Variants in GCC2 observed in about 807,000 individuals in gnomAD.
GCC2 encodes GRIP and coiled-coil domain containing 2, also known as GRIP and coiled-coil domain-containing protein 2.
Under a neutral mutation model 210.6 loss-of-function variants are expected in GCC2, and 120 were observed. The observed-to-expected ratio is 0.57, with a 90% CI of 0.49 to 0.66. The LOEUF (loss-of-function observed/expected upper bound fraction) is 0.66. Ranked by LOEUF, GCC2 falls within the 30% of genes least tolerant of loss-of-function variation. GCC2 has a pLI of 0.00. For missense variants in GCC2, 1,868 were observed against 1,871.9 expected (o/e 1.00, Z 0.04); for synonymous variants, 703 against 652.7 (o/e 1.08, Z -1.17).
chr2:108,504,913 C>T (rs1238337524), intron 22 of GCC2, among the ~76,000 whole-genome samples: 1 of 152,096 alleles, frequency 6.6e-6, no homozygotes, highest in Non-Finnish European at 1.5e-5. Flanking sequence ...ATAGGCCAAG[C>T]CTGTTATAGG....
Position 108,470,509 on chromosome 2 carries a change from AAAG to A in GCC2, c.1186_1188del (p.Glu396del), listed in dbSNP as rs1558739486. On this transcript the variant is annotated inframe_deletion, in exon 6 of 23. Coordinates refer to ENST00000309863, the MANE Select transcript of GCC2 (RefSeq NM_181453.4). ...TAAAATTAATGAATTATTACTAGCT[AAAG>A]AAGAACAGGGCTGTGTAATTGAAAA... The A allele has an allele frequency of 1.2e-5, 20 of 1,609,866 alleles. No individual in the cohort carries two copies. The highest frequency in any genetic ancestry group is 1.6e-5 in the Non-Finnish European group (19 of 1,178,008).
chr2:108,471,758 A>G lies in GCC2; in HGVS notation c.2429A>G (p.Glu810Gly), dbSNP rs1263972654. The G allele has an allele frequency of 3.1e-6, 5 of 1,613,180 alleles. No homozygotes were observed. Among genetic ancestry groups the G allele is most frequent in the Non-Finnish European group, 4.2e-6 (5 of 1,179,634 alleles). ...LAFQRDEKVL[E>G]LEKEIKCLQE... ...TTTCAGCGTGATGAAAAAGTATTAG[A>G]GTTAGAAAAAGAGATTAAGTGCCTT... The change falls in exon 6 of 23, where the codon GAG (glutamate) becomes GGG (glycine). Residue 810 changes from glutamate to glycine, a missense_variant. Glu to Gly is a moderately conservative substitution (Grantham distance 98, BLOSUM62 -2). Coordinates refer to ENST00000309863, the MANE Select transcript of GCC2 (RefSeq NM_181453.4).
chr2:108,482,865 G>A (rs556797956), intron 11 of GCC2, among the ~76,000 whole-genome samples, 197 bp from the exon 12 acceptor site: 111 of 151,982 alleles, frequency 7.3e-4, no homozygotes, highest in Middle Eastern at 3.4e-3. Flanking sequence ...TATTTTTAGT[G>A]GAGACGGGGT....
intron 17 of GCC2, among the ~76,000 whole-genome samples, chr2:108,488,567 A>G (rs960867536): frequency 3.3e-5 from 5 of 152,240 alleles, no homozygotes; most frequent in African/African-American, 1.2e-4. Flanking sequence ...TATTTCAAAA[A>G]TTTTAAATTT....
intron 4 of GCC2, among the ~76,000 whole-genome samples, chr2:108,467,704 G>A (rs1393656394): frequency 6.6e-6 from 1 of 152,158 alleles, no homozygotes; most frequent in Non-Finnish European, 1.5e-5. Context: ...TTTGCATTTA[G>A]ATTTGTCATA....
chr2:108,488,752 A>C (rs1259883852), intron 17 of GCC2, among the ~76,000 whole-genome samples: 1 of 152,174 alleles, frequency 6.6e-6, no homozygotes, highest in East Asian at 1.9e-4. Flanking sequence ...CAGTATTCAA[A>C]GCAGTTTTAC....
Position 108,490,111 on chromosome 2 carries a change from A to T in GCC2, c.4229+97A>T, listed in dbSNP as rs566206536. The T allele has an allele frequency of 4.0e-5, 34 of 852,404 alleles. No homozygotes were observed. The South Asian group carries it at 1.0e-3, about 25-fold the overall frequency. The allele number at this position is 852,404 out of a possible 1,614,324, so 52.8% of individuals were successfully genotyped here. A position where few individuals can be genotyped will look rare whatever the true frequency, so the allele number is the denominator to read the frequency against. On this transcript the variant is annotated intron_variant, in intron 18 of 22. Coordinates refer to ENST00000309863, the MANE Select transcript of GCC2 (RefSeq NM_181453.4). ...GATCCTTGAGATAAATGCAGATTAG[A>T]AAATAAAAAATAGACATTTCTAAAG...
chr2:108,451,321 G>A (rs981937343), intron 3 of GCC2, among the ~76,000 whole-genome samples: 4 of 152,166 alleles, frequency 2.6e-5, no homozygotes, highest in Non-Finnish European at 5.9e-5. Context: ...AGTGACTTTT[G>A]AGTTGTTAAA....
intron 4 of GCC2, among the ~76,000 whole-genome samples, chr2:108,455,911 G>A (rs1227161431): frequency 6.6e-6 from 1 of 152,122 alleles, no homozygotes; most frequent in African/African-American, 2.4e-5. Flanking sequence ...ATATTGATTT[G>A]TTTTCAATGA....
intron 8 of GCC2, 41 bp downstream of exon 8, chr2:108,475,676 T>C: frequency 6.8e-7 from 1 of 1,460,800 alleles, no homozygotes; most frequent in Non-Finnish European, 9.4e-7. Context: ...GAATCTCACA[T>C]TTTTAAAAAT....
intron 4 of GCC2, among the ~76,000 whole-genome samples, chr2:108,465,433 C>T (rs1388156862): frequency 6.6e-6 from 1 of 152,094 alleles, no homozygotes; most frequent in Admixed American, 6.5e-5. Flanking sequence ...AAGTCTGAGA[C>T]TTTAGTGCAC....
At chr2:108,480,292 C>T (rs1681782566) in intron 9 of GCC2, among the ~76,000 whole-genome samples, 1 of 152,136 alleles carries the variant, frequency 6.6e-6, no homozygotes, top group Non-Finnish European at 1.5e-5. Flanking sequence ...GAAAAAGGAA[C>T]ACTTACACTT....
chr2:108,485,571 G>T (rs972401755), intron 13 of GCC2, 65 bp from the exon 14 acceptor site: 1 of 808,984 alleles, frequency 1.2e-6, no homozygotes, highest in East Asian at 2.5e-5. Context: ...AGACATATTT[G>T]TGTATTTAAA....
chr2:108,486,942 G>C (rs983321741), intron 16 of GCC2, among the ~76,000 whole-genome samples: 1 of 152,134 alleles, frequency 6.6e-6, no homozygotes, highest in Non-Finnish European at 1.5e-5. Context: ...ACGTGTTACA[G>C]TTCTTAGGGC....
At chr2:108,457,544 A>C (rs1680335777) in intron 4 of GCC2, among the ~76,000 whole-genome samples, 1 of 152,114 alleles carries the variant, frequency 6.6e-6, no homozygotes, top group Non-Finnish European at 1.5e-5. Flanking sequence ...GTATTTTAAT[A>C]GGGATTTCAT....
Position 108,475,772 on chromosome 2 carries a change from A to G in GCC2, c.2982A>G (p.Glu994=). Residue 994 remains glutamate, a synonymous_variant, in exon 9 of 23, where the codon GAA becomes GAG. Coordinates refer to ENST00000309863, the MANE Select transcript of GCC2 (RefSeq NM_181453.4). ...AACAGACCCAGACTGTGAAGGAAGA[A>G]CTTGAATCTCTTCGATCAGAAAAGG... The part of the protein sequence containing the change: ...SRKETQTVKE[E]LESLRSEKDQ... 1 of 1,604,792 alleles carries G rather than the reference A, an allele frequency of 6.2e-7. No individual in the cohort carries two copies. Among genetic ancestry groups the G allele is most frequent in the Non-Finnish European group, 8.5e-7 (1 of 1,175,590 alleles).
chr2:108,449,861 AC>A, intron 2 of GCC2, 172 bp downstream of exon 2: 1 of 587,024 alleles, frequency 1.7e-6, no homozygotes, highest in Non-Finnish European at 3.0e-6. Flanking sequence ...TCCCCCGCCC[AC>A]CCCGATATAG....
Position 108,483,011 on chromosome 2 carries a change from C to T in GCC2, c.3346-51C>T, listed in dbSNP as rs1681948991. On this transcript the variant is annotated intron_variant, in intron 11 of 22. Transcript: ENST00000309863. ...TTTATTTTAAAGCCCCTTAAAAATA[C>T]CTTTTTAATATTGGTTGGGTGGTGT... The T allele has an allele frequency of 3.2e-6, 3 of 950,954 alleles. No individual in the cohort carries two copies. The Admixed American group carries it at 5.6e-5, about 18-fold the overall frequency. 58.9% of individuals were successfully genotyped at this position (950,954 alleles called of 1,614,324 possible).
In GCC2 at chr2:108,485,700, G is replaced by GA. The variant is rs1409085692; in HGVS notation, c.3682dup (p.Thr1228AsnfsTer14). On this transcript the variant is annotated frameshift_variant, in exon 14 of 23. Transcript: ENST00000309863. LOFTEE classifies it high-confidence loss of function. Reference sequence around the variant, plus strand: ...ACACCAAAATCAAGCAATTGCTTGTGAAAACCAAAAAGGAACTGGCAGATT... The same window carrying GA: ...ACACCAAAATCAAGCAATTGCTTGTGAAAAACCAAAAAGGAACTGGCAGATT... 6.3e-7 allele frequency: 1 copy of GA among 1,599,354 alleles called. No homozygotes were observed. Among genetic ancestry groups the GA allele is most frequent in the Non-Finnish European group, 8.5e-7 (1 of 1,173,594 alleles).
Sources: allele counts gnomAD v4.1 joint callset (sites outside exome capture counted in the v4.1 genomes callset), GRCh38; gene constraint gnomAD v4.1.1; transcripts MANE v1.5; gene names NCBI Gene and HGNC (gene_info 2026-07-23, HGNC 2026-07-21).